RELN: variants seen among roughly 807,000 people sequenced by gnomAD.
The protein encoded by RELN is reelin.
RELN carries 108 observed loss-of-function variants against 427.6 expected under a neutral mutation model. The observed-to-expected ratio is 0.25, with a 90% CI of 0.22 to 0.30. RELN has a LOEUF of 0.30. Among genes scored for constraint, RELN ranks in the 10% least tolerant of loss-of-function variants. The pLI is 1.00. For missense variants in RELN, 3,715 were observed against 4,302.8 expected (o/e 0.86, Z 3.82); for synonymous variants, 1,524 against 1,513.4 (o/e 1.01, Z -0.16).
At chr7:103,944,462 G>C (rs907454012) in intron 1 of RELN, among the ~76,000 whole-genome samples, 15 of 152,156 alleles carry the variant, frequency 9.9e-5, no homozygotes, top group Non-Finnish European at 1.5e-4. Flanking sequence ...TCAAGGAAGG[G>C]TGATGTAAGT....
chr7:103,730,215 G>GC (rs1375574364), intron 6 of RELN, among the ~76,000 whole-genome samples: 19 of 152,044 alleles, frequency 1.2e-4, no homozygotes, highest in Non-Finnish European at 2.6e-4. Flanking sequence ...GAAATTTGAG[G>GC]CCTGCTGTTT....
intron 6 of RELN, among the ~76,000 whole-genome samples, chr7:103,739,806 G>A (rs1003410270): frequency 6.6e-5 from 10 of 152,172 alleles, no homozygotes; most frequent in African/African-American, 2.2e-4. Flanking sequence ...AGGAATCTAT[G>A]CTCTGCATAT....
intron 4 of RELN, among the ~76,000 whole-genome samples, chr7:103,773,145 TTTCTTTCTTTCTTTCTTTC>T (rs1177311273): frequency 1.6e-5 from 2 of 127,612 alleles, no homozygotes; most frequent in African/African-American, 5.7e-5. Flanking sequence ...TCTTTCTTTC[TTTCTTTCTTTCTTTCTTTC>T]TTTTTCTTTC....
intron 51 of RELN, among the ~76,000 whole-genome samples, chr7:103,508,212 C>G (rs148431942): frequency 0.014 from 2,162 of 152,240 alleles, 49 homozygotes; most frequent in African/African-American, 0.05. Flanking sequence ...GCTACCAAAA[C>G]CTGGCAGAGA....
rs75448332 is a variant in RELN at position 103,730,274 on chromosome 7, C to T, written c.657-2067G>A. 6.0e-3 allele frequency among the ~76,000 whole-genome samples: 914 copies of T among 152,092 alleles called. 4 individuals are homozygous for T. Among genetic ancestry groups the T allele is most frequent in the Non-Finnish European group, 0.01 (704 of 67,968 alleles). ...TCCATAAATATTGCTCAGCAGTTTC[C>T]AAATCAACTATTTATCAAGAAAATA... On this transcript the variant is annotated intron_variant, in intron 6 of 64. Coordinates refer to ENST00000428762, the MANE Select transcript of RELN (RefSeq NM_005045.4).
intron 57 of RELN, among the ~76,000 whole-genome samples, chr7:103,493,816 A>AT (rs1193866411): frequency 2.0e-5 from 3 of 152,118 alleles, no homozygotes. Context: ...AAGGTGGGGA[A>AT]TGTGCAAAAA....
At chr7:103,590,239 C>T (rs1158181604) in intron 27 of RELN, among the ~76,000 whole-genome samples, 1 of 152,140 alleles carries the variant, frequency 6.6e-6, no homozygotes, top group Non-Finnish European at 1.5e-5. Context: ...AAGCATCCTC[C>T]TTCTGTTTCC....
chr7:103,952,474 TTA>T (rs1386355075), intron 1 of RELN, among the ~76,000 whole-genome samples: 3 of 152,162 alleles, frequency 2.0e-5, no homozygotes, highest in Admixed American at 1.3e-4. Flanking sequence ...ACTAAAATGT[TTA>T]TGTCTCCTGA....
chr7:103,500,934 G>A lies in RELN; in HGVS notation c.8490-12C>T. The A allele has an allele frequency of 1.2e-6, 2 of 1,613,722 alleles. No individual in the cohort carries two copies. The highest frequency in any genetic ancestry group is 1.7e-6 in the Non-Finnish European group (2 of 1,179,682). ...TAAACCTTACCGGACTATTGACAAT[G>A]CAAAAGCAAAGGAGTGAAAAACAAA... On this transcript the variant is annotated splice_polypyrimidine_tract_variant and intron_variant, in intron 52 of 64. Coordinates refer to ENST00000428762, the MANE Select transcript of RELN (RefSeq NM_005045.4).
At chr7:103,852,690 GT>G (rs1272160164) in intron 2 of RELN, among the ~76,000 whole-genome samples, 2 of 137,798 alleles carry the variant, frequency 1.5e-5, no homozygotes, top group African/African-American at 5.6e-5. Flanking sequence ...TGTTGTTGTT[GT>G]TTGTTTGTTT....
intron 20 of RELN, among the ~76,000 whole-genome samples, chr7:103,613,973 G>T (rs1224080217): frequency 6.6e-6 from 1 of 152,136 alleles, no homozygotes; most frequent in Non-Finnish European, 1.5e-5. Context: ...AATATTGCCT[G>T]CACCTAATGT....
chr7:103,929,955 T>C (rs977723421), intron 1 of RELN, among the ~76,000 whole-genome samples: 4 of 152,214 alleles, frequency 2.6e-5, no homozygotes, highest in Admixed American at 2.6e-4. Context: ...AGTCAATAGA[T>C]GAAATCACAA....
At position 103,561,925 on chromosome 7, in the gene RELN, G is replaced by C; in HGVS notation, c.5239C>G (p.Gln1747Glu). Residue 1747 changes from glutamine (Q) to glutamate (E), a missense_variant, in exon 35 of 65, where the codon CAG becomes GAG. Coordinates refer to ENST00000428762, the MANE Select transcript of RELN (RefSeq NM_005045.4). ...ISPRTRFRWIQANYTVGADSW... is the reference protein window; with the variant it reads ...ISPRTRFRWIEANYTVGADSW... ...TCAGCCCCCACAGTGTAGTTGGCCT[G>C]AATCCATCTGAACCGGGTCCTGGGA... is the stretch of plus-strand genomic sequence containing the variant. The C allele has an allele frequency of 7.3e-7, 1 of 1,363,204 alleles. No homozygotes were observed. The highest frequency in any genetic ancestry group is 9.9e-7 in the Non-Finnish European group (1 of 1,010,558). The allele number at this position is 1,363,204 out of a possible 1,614,324, so 84.4% of individuals were successfully genotyped here.
chr7:103,879,534 A>G (rs1437459862), intron 2 of RELN, among the ~76,000 whole-genome samples: 1 of 152,176 alleles, frequency 6.6e-6, no homozygotes, highest in African/African-American at 2.4e-5. Context: ...TTTGTTTCAC[A>G]TTTATTCAGA....
At chr7:103,650,524 G>C in intron 15 of RELN, 141 bp from the exon 16 acceptor site, 2 of 715,376 alleles carry the variant, frequency 2.8e-6, no homozygotes, top group Non-Finnish European at 5.2e-6. Context: ...ATTCACTTGT[G>C]GAATTTGTTT....
intron 3 of RELN, among the ~76,000 whole-genome samples, chr7:103,820,230 A>G (rs1792980583): frequency 6.6e-6 from 1 of 152,040 alleles, no homozygotes; most frequent in South Asian, 2.1e-4. Context: ...AAAAGTAGTA[A>G]TAGCACTTCA....
intron 28 of RELN, among the ~76,000 whole-genome samples, chr7:103,587,110 C>T (rs916208035): frequency 6.6e-6 from 1 of 152,128 alleles, no homozygotes; most frequent in Non-Finnish European, 1.5e-5. Flanking sequence ...AGAGGCATCA[C>T]CTTACCTGAC....
intron 6 of RELN, among the ~76,000 whole-genome samples, chr7:103,733,611 T>C (rs1026746552): frequency 4.9e-5 from 7 of 143,354 alleles, no homozygotes; most frequent in Non-Finnish European, 3.1e-5. Context: ...TATGCAGCCA[T>C]AAAAAATGAT....
At chr7:103,693,199 A>G (rs1833907144) in intron 10 of RELN, among the ~76,000 whole-genome samples, 2 of 152,144 alleles carry the variant, frequency 1.3e-5, no homozygotes, top group Admixed American at 6.5e-5. Flanking sequence ...TTGCAGGGAC[A>G]TGGATGAAGC....
Sources: allele counts gnomAD v4.1 joint callset (sites outside exome capture counted in the v4.1 genomes callset), GRCh38; gene constraint gnomAD v4.1.1; transcripts MANE v1.5; gene names NCBI Gene and HGNC (gene_info 2026-07-23, HGNC 2026-07-21).